Variants in FREM3 observed in about 807,000 individuals in gnomAD.
The protein encoded by FREM3 is FRAS1 related extracellular matrix 3.
Under a neutral mutation model 129.1 loss-of-function variants are expected in FREM3, and 105 were observed. The observed-to-expected ratio is 0.81, with a 90% CI of 0.69 to 0.96. The LOEUF (loss-of-function observed/expected upper bound fraction) is 0.96. FREM3 is among the 40% of genes least tolerant of loss of function. The probability of loss-of-function intolerance (pLI) is 0.00; values close to 1 mark genes in which losing one functional copy is unlikely to be tolerated. For missense variants in FREM3, 2,593 were observed against 2,666.3 expected, an observed-to-expected ratio of 0.97 and a Z score of 0.61; for synonymous variants, 1,014 against 1,044.9, an observed-to-expected ratio of 0.97 and a Z score of 0.57.
Position 143,698,577 on chromosome 4 carries a change from A to G in FREM3, c.2099T>C (p.Ile700Thr), listed in dbSNP as rs1235194930. Residue 700 changes from isoleucine (I) to threonine (T), a missense_variant, in exon 1 of 8, where the codon ATA becomes ACA. Physicochemically the swap from Ile to Thr is moderately conservative, Grantham distance 89. Coordinates refer to ENST00000329798, the MANE Select transcript of FREM3 (RefSeq NM_001168235.2). ...IFTIKVQPVD[I>T]LSPQLYPGTT... Reference sequence around the variant, plus strand: ...TCCTGGATACAGCTGTGGACTCAGTATATCCACTGGTTGGACCTTGATGGT... The same window carrying G: ...TCCTGGATACAGCTGTGGACTCAGTGTATCCACTGGTTGGACCTTGATGGT... The G allele has an allele frequency of 6.5e-7, 1 of 1,537,688 alleles. No individual in the cohort carries two copies. The highest frequency in any genetic ancestry group is 1.4e-5 in the African/African-American group (1 of 73,148).
chr4:143,588,802 C>A (rs1738295690), intron 6 of FREM3, among the ~76,000 whole-genome samples: 1 of 149,488 alleles, frequency 6.7e-6, no homozygotes, highest in Non-Finnish European at 1.5e-5. Flanking sequence ...AGTTCTAGAT[C>A]CCTGAGGAAT....
chr4:143,676,254 C>T (rs1194033550), intron 2 of FREM3, among the ~76,000 whole-genome samples: 19 of 147,002 alleles, frequency 1.3e-4, no homozygotes, highest in Non-Finnish European at 2.3e-4. Flanking sequence ...AATCAATAAA[C>T]TTGATCCAGC....
rs115573033 is a variant in FREM3 at position 143,585,510 on chromosome 4, G to A, written c.6178+334C>T. Among the ~76,000 whole-genome samples, 1,416 of 152,316 alleles carry A rather than the reference G, an allele frequency of 9.3e-3. 10 individuals carry two copies. Among genetic ancestry groups the A allele is most frequent in the Middle Eastern group, 0.031 (9 of 294 alleles). On this transcript the variant is annotated intron_variant, in intron 7 of 7. Transcript: ENST00000329798. This position sits in a 1 kb window ranked among gnomAD's most constrained non-coding sequence, Gnocchi z 4.2. ...GTGACGAGATTCTTCCACGAGTTGG[G>A]ACTTGCTTGGCCATTATGGGGGTAA...
chr4:143,653,755 T>G (rs1739550943), intron 2 of FREM3, among the ~76,000 whole-genome samples: 1 of 152,186 alleles, frequency 6.6e-6, no homozygotes, highest in Admixed American at 6.5e-5. Context: ...AAAATACTGA[T>G]GCCCAGTATT....
At chr4:143,649,098 A>T (rs1263044027) in intron 2 of FREM3, 1 of 152,222 alleles carries the variant, frequency 6.6e-6, no homozygotes, top group Non-Finnish European at 1.5e-5. Flanking sequence ...CATGGCTTAA[A>T]AATCTTAGTT....
chr4:143,580,343 A>G (rs1405766742), intron 7 of FREM3, among the ~76,000 whole-genome samples: 1 of 152,144 alleles, frequency 6.6e-6, no homozygotes, highest in African/African-American at 2.4e-5. Context: ...CACCGTGGGT[A>G]AATGGTGAGT....
In FREM3 at chr4:143,623,505, C is replaced by T. The variant is rs969183898; in HGVS notation, c.5653+603G>A. Among the ~76,000 whole-genome samples, 12 of 134,646 alleles carry T rather than the reference C, an allele frequency of 8.9e-5. 1 individual carries two copies. Among genetic ancestry groups the T allele is most frequent in the African/African-American group, 1.7e-4 (6 of 34,608 alleles). 88.3% of individuals were successfully genotyped at this position (134,646 alleles called of 152,430 possible). On this transcript the variant is annotated intron_variant, in intron 4 of 7. Transcript: ENST00000329798. ...AGATGAATACTAATCCCCCCCCCCC[C>T]CCACCATTTAGGGAATATTCTTCTA...
intron 5 of FREM3, among the ~76,000 whole-genome samples, chr4:143,617,261 T>C (rs897896722): frequency 6.6e-6 from 1 of 152,310 alleles, no homozygotes; most frequent in Admixed American, 6.5e-5. Context: ...TGGCAATGTC[T>C]GGTGACATTT....
At chr4:143,611,808 T>C (rs925245719) in intron 5 of FREM3, among the ~76,000 whole-genome samples, 1 of 152,186 alleles carries the variant, frequency 6.6e-6, no homozygotes, top group Non-Finnish European at 1.5e-5. Context: ...ATGCTAGGGC[T>C]GGCTTAGCTC....
chr4:143,699,445 C>G lies in FREM3; in HGVS notation c.1231G>C (p.Gly411Arg). Residue 411 changes from glycine (G) to arginine (R), a missense_variant, in exon 1 of 8, where the codon GGA (glycine) becomes CGA (arginine). Transcript: ENST00000329798. The surrounding 1 kb of genome is among the most constrained non-coding windows in gnomAD (Gnocchi z 4.2). ...LFQLELEVVD[G>R]DGAASDPFAF... ...AAGGGGTCTGAGGCGGCGCCGTCTC[C>G]GTCCACCACCTCCAGCTCCAGCTGA... 2.6e-6 allele frequency: 4 copies of G among 1,537,290 alleles called. No homozygotes were observed. The highest frequency in any genetic ancestry group is 1.4e-5 in the African/African-American group (1 of 73,166).
In FREM3 at chr4:143,683,856, G is replaced by A. The variant is rs566915902; in HGVS notation, c.5275+9257C>T. The stretch of plus-strand genomic sequence containing the variant: ...AAGTGAGAACTGCCCTTCAGTTTGC[G>A]TGGGAGCTGGCTGAGGCCTGTGACT... On this transcript the variant is annotated intron_variant, in intron 2 of 7. Transcript: ENST00000329798. 5.3e-5 allele frequency among the ~76,000 whole-genome samples: 8 copies of A among 152,274 alleles called. No individual in the cohort carries two copies. In the South Asian group the frequency reaches 6.2e-4, roughly 12 times the overall value.
intron 4 of FREM3, among the ~76,000 whole-genome samples, chr4:143,621,617 C>A (rs1179253100): frequency 6.6e-6 from 1 of 152,204 alleles, no homozygotes; most frequent in South Asian, 2.1e-4. Flanking sequence ...TGAGCAGACA[C>A]TGTGCTGGTC....
Position 143,695,883 on chromosome 4 carries a change from T to G in FREM3, c.4793A>C (p.Lys1598Thr). Residue 1598 changes from lysine (K) to threonine (T), a missense_variant, in exon 1 of 8, where the codon AAG becomes ACG. Physicochemically the swap from Lys to Thr is moderately conservative, Grantham distance 78 (BLOSUM62 -1). Coordinates refer to ENST00000329798, the MANE Select transcript of FREM3 (RefSeq NM_001168235.2). Reference protein sequence around the residue: ...NGSRPVTTFTKQDLNKNLISY... With the variant: ...NGSRPVTTFTTQDLNKNLISY... ...AATCAGGTTCTTGTTCAGGTCTTGC[T>G]TGGTGAAAGTGGTCACGGGACGGCT... 6.5e-7 allele frequency: 1 copy of G among 1,537,636 alleles called. No homozygotes were observed. The highest frequency in any genetic ancestry group is 1.2e-5 in the South Asian group (1 of 84,060).
At chr4:143,691,314 A>AT (rs1740464646) in intron 2 of FREM3, among the ~76,000 whole-genome samples, 1 of 152,122 alleles carries the variant, frequency 6.6e-6, no homozygotes, top group African/African-American at 2.4e-5. Flanking sequence ...GAGTGAGTGT[A>AT]TACTGCTCGG....
chr4:143,611,742 A>G (rs1237465801), intron 5 of FREM3, among the ~76,000 whole-genome samples: 1 of 152,248 alleles, frequency 6.6e-6, no homozygotes, highest in Non-Finnish European at 1.5e-5. Flanking sequence ...ATTTTTAAAT[A>G]GAGTATATTG....
In FREM3 at chr4:143,700,068, G is replaced by A. The variant is rs1157181652; in HGVS notation, c.608C>T (p.Thr203Met). ...GGTAAGCCGGCACCTGCGGGTGGCC[G>A]TGGCTCCAGACTTCAGGGAGGCGAA... ...LDFASLKSGA[T>M]ATRRCRLTPL... The change falls in exon 1 of 8, where the codon ACG becomes ATG. Residue 203 changes from threonine (T) to methionine (M), a missense_variant. Physicochemically the swap from Thr to Met is moderately conservative, Grantham distance 81 (BLOSUM62 -1). Transcript: ENST00000329798. The A allele has an allele frequency of 1.3e-6, 2 of 1,524,462 alleles. No homozygotes were observed. Among genetic ancestry groups the A allele is most frequent in the Non-Finnish European group, 1.8e-6 (2 of 1,137,472 alleles). The allele number at this position is 1,524,462 out of a possible 1,614,324, so 94.4% of individuals were successfully genotyped here.
At chr4:143,671,628 T>C (rs1295357309) in intron 2 of FREM3, among the ~76,000 whole-genome samples, 3 of 152,188 alleles carry the variant, frequency 2.0e-5, no homozygotes, top group African/African-American at 7.2e-5. Flanking sequence ...TATTTTTATT[T>C]TTTAAGAGTA....
intron 2 of FREM3, among the ~76,000 whole-genome samples, chr4:143,663,568 G>A (rs4370084): frequency 0.22 from 32,728 of 151,866 alleles, 4,276 homozygotes; most frequent in Admixed American, 0.28. Context: ...GTGTCTTGGA[G>A]TTGCTCTTCT....
chr4:143,695,595 T>A lies in FREM3; in HGVS notation c.5081A>T (p.Asp1694Val), dbSNP rs1740550266. 2 of 1,537,234 alleles carry A rather than the reference T, an allele frequency of 1.3e-6. No individual in the cohort carries two copies. Among genetic ancestry groups the A allele is most frequent in the Non-Finnish European group, 1.7e-6 (2 of 1,146,950 alleles). ...ATACTTCAGAAGCCTGTGGGGACTG[T>A]CCTGATCTTCTGCCTTCAGAGACTT... ...TSKSLKAEDQ[D>V]SPHRLLKYKV... is the part of the protein sequence containing the mutation. Residue 1694 changes from aspartate to valine, a missense_variant, in exon 1 of 8, where the codon GAC becomes GTC. By Grantham distance (152) the Asp-to-Val change is radical. This residue lies in a region of FREM3 where 2,276 missense variants were observed against 2,267.2 expected (regional missense o/e 1.00). Coordinates refer to ENST00000329798, the MANE Select transcript of FREM3 (RefSeq NM_001168235.2).
Sources: allele counts gnomAD v4.1 joint callset (sites outside exome capture counted in the v4.1 genomes callset), GRCh38; gene constraint gnomAD v4.1.1; regional missense constraint gnomAD v4.1.1; non-coding constraint Gnocchi (gnomAD v3.1); transcripts MANE v1.5; gene names NCBI Gene and HGNC (gene_info 2026-07-23, HGNC 2026-07-21).